KCNIP1: variants seen among roughly 807,000 people sequenced by gnomAD.
KCNIP1 encodes the protein potassium voltage-gated channel interacting protein 1, also known as A-type potassium channel modulatory protein KCNIP1.
Under a neutral mutation model 33.0 loss-of-function variants are expected in KCNIP1, and 18 were observed. The observed-to-expected ratio is 0.55, with a 90% CI of 0.38 to 0.81. The LOEUF (loss-of-function observed/expected upper bound fraction) is 0.81, where lower values mean the gene tolerates loss of function less well. Ranked by LOEUF, KCNIP1 falls within the 30% of genes least tolerant of loss-of-function variation. The pLI, the probability that KCNIP1 is intolerant of heterozygous loss-of-function variation, is 0.00. For synonymous variants in KCNIP1, 93 were observed against 98.3 expected (o/e 0.95, Z 0.32); for missense variants, 238 against 271.6 (o/e 0.88, Z 0.87).
chr5:170,594,138 C>A (rs1373269419), intron 1 of KCNIP1, among the ~76,000 whole-genome samples: 1 of 152,200 alleles, frequency 6.6e-6, no homozygotes, highest in East Asian at 1.9e-4. Flanking sequence ...AGATTGGCAA[C>A]CCCAGGACCT....
At chr5:170,379,850 A>T (rs936391953) in intron 1 of KCNIP1, among the ~76,000 whole-genome samples, 1 of 151,858 alleles carries the variant, frequency 6.6e-6, no homozygotes, top group African/African-American at 2.4e-5. Context: ...TACACAGGAG[A>T]CTGAGGTGGG....
intron 1 of KCNIP1, among the ~76,000 whole-genome samples, chr5:170,452,374 G>GAATTC (rs1481875649): frequency 6.6e-6 from 1 of 152,208 alleles, no homozygotes; most frequent in Non-Finnish European, 1.5e-5. Context: ...CATGGCTACA[G>GAATTC]AATTCAATAT....
chr5:170,676,388 G>T (rs1762147079), intron 1 of KCNIP1, among the ~76,000 whole-genome samples: 1 of 152,152 alleles, frequency 6.6e-6, no homozygotes, highest in Non-Finnish European at 1.5e-5. Flanking sequence ...GTCAGTGATG[G>T]GAATGGTAAT....
intron 1 of KCNIP1, among the ~76,000 whole-genome samples, chr5:170,440,144 C>T (rs914470734): frequency 2.6e-5 from 4 of 152,156 alleles, no homozygotes; most frequent in Non-Finnish European, 5.9e-5. Context: ...CGTGAAGACA[C>T]GGAGAAGGCG....
chr5:170,408,538 A>T (rs973082118), intron 1 of KCNIP1, among the ~76,000 whole-genome samples: 1 of 152,208 alleles, frequency 6.6e-6, no homozygotes, highest in African/African-American at 2.4e-5. Context: ...GCAGAAGCAC[A>T]CTTGTCCCTA....
chr5:170,679,626 AGTGTGT>A (rs58712710), intron 1 of KCNIP1, among the ~76,000 whole-genome samples: 3,093 of 144,480 alleles, frequency 0.021, 103 homozygotes, highest in African/African-American at 0.074. Context: ...TGTATATGAC[AGTGTGT>A]GTGTGTGTGT....
chr5:170,476,546 G>T (rs1244454905), intron 1 of KCNIP1, among the ~76,000 whole-genome samples: 1 of 152,106 alleles, frequency 6.6e-6, no homozygotes, highest in Non-Finnish European at 1.5e-5. Flanking sequence ...TTTTTGTTTA[G>T]CCTTAAAAAA....
At chr5:170,414,702 G>C (rs1384220770) in intron 1 of KCNIP1, among the ~76,000 whole-genome samples, 1 of 152,210 alleles carries the variant, frequency 6.6e-6, no homozygotes, top group Non-Finnish European at 1.5e-5. Context: ...CTATTGAATG[G>C]ATCCAAGTTT....
chr5:170,535,131 G>A (rs892628155), intron 1 of KCNIP1, among the ~76,000 whole-genome samples: 2 of 152,174 alleles, frequency 1.3e-5, no homozygotes, highest in Admixed American at 1.3e-4. Flanking sequence ...GAGGTCAGGG[G>A]CAGCAGTGCC....
At chr5:170,593,351 T>C (rs6896165) in intron 1 of KCNIP1, among the ~76,000 whole-genome samples, 151,163 of 152,218 alleles carry the variant, frequency 0.99, 75,074 homozygotes, top group Middle Eastern at 1. Flanking sequence ...CTCACCTCCT[T>C]CCAGAAATGT....
intron 1 of KCNIP1, among the ~76,000 whole-genome samples, chr5:170,707,787 GTT>G (rs550563025): frequency 6.9e-6 from 1 of 145,382 alleles, no homozygotes; most frequent in African/African-American, 2.5e-5. Flanking sequence ...ACACTCAAAG[GTT>G]TTTTTTTTTG....
chr5:170,616,024 C>A (rs1274731580), intron 1 of KCNIP1, among the ~76,000 whole-genome samples: 2 of 152,076 alleles, frequency 1.3e-5, no homozygotes. Context: ...CAGGGGGCAG[C>A]CTTTTGAGAA....
intron 1 of KCNIP1, among the ~76,000 whole-genome samples, chr5:170,638,773 T>C (rs1760401240): frequency 6.6e-6 from 1 of 152,208 alleles, no homozygotes; most frequent in Non-Finnish European, 1.5e-5. Context: ...CATGTGGCCA[T>C]TGCCCACACT....
chr5:170,378,791 C>A (rs1057351588), intron 1 of KCNIP1: 3 of 1,614,168 alleles, frequency 1.9e-6, no homozygotes, highest in Non-Finnish European at 1.7e-6. Context: ...GGAAGGTGGG[C>A]CAGAAGAGGG....
In KCNIP1 at chr5:170,718,871, G is replaced by A. The variant is rs762998289; in HGVS notation, c.175G>A (p.Gly59Ser). ...TKRELQVLYR[G>S]FKNECPSGVV... ...GAGGGAGCTGCAGGTCCTTTATCGAGGCTTCAAAAATGTAAGACCCGTGCA... is the reference window on the plus strand; with the variant it reads ...GAGGGAGCTGCAGGTCCTTTATCGAAGCTTCAAAAATGTAAGACCCGTGCA... The change falls in exon 2 of 8, where the codon GGC becomes AGC. Residue 59 changes from glycine (G) to serine (S), a missense_variant. Physicochemically the swap from Gly to Ser is moderately conservative, Grantham distance 56 (BLOSUM62 0). Transcript: ENST00000328939. 6.2e-7 allele frequency: 1 copy of A among 1,610,256 alleles called. No homozygotes were observed. The highest frequency in any genetic ancestry group is 8.5e-7 in the Non-Finnish European group (1 of 1,178,842).
intron 1 of KCNIP1, among the ~76,000 whole-genome samples, chr5:170,714,192 C>T (rs1229811339): frequency 6.6e-6 from 1 of 152,194 alleles, no homozygotes; most frequent in Non-Finnish European, 1.5e-5. Context: ...CCTCCCACTG[C>T]TCACAGTCCA....
At chr5:170,453,335 T>A (rs746641908) in intron 1 of KCNIP1, among the ~76,000 whole-genome samples, 2 of 152,242 alleles carry the variant, frequency 1.3e-5, no homozygotes, top group Non-Finnish European at 2.9e-5. Flanking sequence ...TGTCACATCT[T>A]CCAATGTGCT....
intron 1 of KCNIP1, chr5:170,385,187 C>T (rs1370132555): frequency 3.9e-6 from 4 of 1,015,470 alleles, no homozygotes; most frequent in African/African-American, 1.6e-5. Context: ...TAAGAATGAG[C>T]ATCGTCTTGA....
At chr5:170,475,094 T>C (rs953284034) in intron 1 of KCNIP1, among the ~76,000 whole-genome samples, 1 of 152,154 alleles carries the variant, frequency 6.6e-6, no homozygotes, top group African/African-American at 2.4e-5. Flanking sequence ...AGAGTGCTGA[T>C]TGGTGCATTT....
Sources: allele counts gnomAD v4.1 joint callset (sites outside exome capture counted in the v4.1 genomes callset), GRCh38; gene constraint gnomAD v4.1.1; transcripts MANE v1.5; gene names NCBI Gene and HGNC (gene_info 2026-07-23, HGNC 2026-07-21).